The following COL18A1 variants were observed in gnomAD, a reference collection of about 807,000 sequenced individuals.
COL18A1 encodes collagen alpha-1(XVIII) chain.
In COL18A1, 133 loss-of-function variants were observed where a neutral mutation model predicts 168.0. That is an observed-to-expected ratio of 0.79 (90% CI 0.69 to 0.91). COL18A1 has a LOEUF of 0.91. Among genes scored for constraint, COL18A1 ranks in the 40% least tolerant of loss-of-function variants. The pLI is 0.00. For synonymous variants in COL18A1, 949 were observed against 809.0 expected (o/e 1.17, Z -2.94); for missense variants, 2,126 against 1,925.4 (o/e 1.10, Z -1.95).
At chr21:45,448,770 C>T (rs532860848) in intron 2 of COL18A1, among the ~76,000 whole-genome samples, 10 of 152,378 alleles carry the variant, frequency 6.6e-5, no homozygotes, top group South Asian at 2.1e-4. Flanking sequence ...CACTGGCCTG[C>T]GTATCTTTTG....
At chr21:45,495,665 CATAT>C in intron 29 of COL18A1, 1 of 538,628 alleles carries the variant, frequency 1.9e-6, no homozygotes, top group Non-Finnish European at 3.4e-6. Flanking sequence ...CATGTGTGCA[CATAT>C]ACACATGCAT....
chr21:45,495,640 A>C, intron 29 of COL18A1: 2 of 576,348 alleles, frequency 3.5e-6, no homozygotes, highest in Non-Finnish European at 6.4e-6. Context: ...ATGCACATAT[A>C]TGGCCGTACT....
rs2035835521 is a variant in COL18A1, at chr21:45,479,960, A to T, written c.1307A>T (p.Asp436Val). The change falls in exon 10 of 42, where the codon GAC becomes GTC. Residue 436 changes from aspartate (D) to valine (V), a missense_variant. Transcript: ENST00000651438. Reference protein sequence around the residue: ...GTPGDVGPKGDKGDPGVGERG... With the variant: ...GTPGDVGPKGVKGDPGVGERG... ...CCAGGGGACGTAGGTCCCAAGGGCGACAAGGTGAGTCTCCGTGGCTGGGTG... is the reference window on the plus strand; with the variant it reads ...CCAGGGGACGTAGGTCCCAAGGGCGTCAAGGTGAGTCTCCGTGGCTGGGTG... 6.2e-7 allele frequency: 1 copy of T among 1,613,580 alleles called. No individual in the cohort carries two copies. Among genetic ancestry groups the T allele is most frequent in the Admixed American group, 1.7e-5 (1 of 59,988 alleles).
intron 2 of COL18A1, among the ~76,000 whole-genome samples, chr21:45,433,458 G>T (rs1387249678): frequency 6.6e-6 from 1 of 152,158 alleles, no homozygotes; most frequent in Non-Finnish European, 1.5e-5. Flanking sequence ...GGTGAGCAGG[G>T]CCACAGAGCA....
intron 27 of COL18A1, 51 bp downstream of exon 27, chr21:45,494,622 C>A (rs777751545): frequency 6.2e-7 from 1 of 1,611,554 alleles, no homozygotes; most frequent in Non-Finnish European, 8.5e-7. Flanking sequence ...TGACGGCCCC[C>A]AAGGACACGG....
chr21:45,426,063 C>T (rs2838921), intron 2 of COL18A1, among the ~76,000 whole-genome samples: 4,416 of 152,144 alleles, frequency 0.029, 189 homozygotes, highest in African/African-American at 0.093. Context: ...CTGGCTGGGG[C>T]GTAAGTGAAT....
intron 2 of COL18A1, chr21:45,422,597 C>T (rs1243316777): frequency 1.1e-5 from 5 of 436,718 alleles, no homozygotes; most frequent in African/African-American, 6.1e-5. Context: ...GGTCTCAGGG[C>T]ACAGTGGGTG....
chr21:45,409,850 C>T (rs1424283056), intron 2 of COL18A1: 1 of 152,256 alleles, frequency 6.6e-6, no homozygotes, highest in Admixed American at 6.5e-5. Context: ...TGCCAGATCC[C>T]GTGTCACGTG....
chr21:45,427,041 C>T (rs1172883023), intron 2 of COL18A1, among the ~76,000 whole-genome samples: 1 of 152,224 alleles, frequency 6.6e-6, no homozygotes, highest in African/African-American at 2.4e-5. Context: ...CCCAGCTTCA[C>T]GCTCACACTT....
rs750070668 is a variant in COL18A1, at chr21:45,468,788, T to C, written c.651+2T>C. On this transcript the variant is annotated splice_donor_variant, in intron 3 of 41. Coordinates refer to ENST00000651438, the MANE Select transcript of COL18A1 (RefSeq NM_001379500.1). LOFTEE classifies it high-confidence loss of function. ...GGAGCGGACCCTGACAAGTTCCAGG[T>C]AACCCCCACTGTGCCGTCGCTGGGG... 6.7e-7 allele frequency: 1 copy of C among 1,495,336 alleles called. No individual in the cohort carries two copies. Among genetic ancestry groups the C allele is most frequent in the Non-Finnish European group, 8.9e-7 (1 of 1,117,320 alleles). 92.6% of individuals were successfully genotyped at this position (1,495,336 alleles called of 1,614,324 possible). A position where few individuals can be genotyped will look rare whatever the true frequency, so the allele number is the denominator to read the frequency against.
rs545474592 is a variant in COL18A1, at chr21:45,502,924, G to A, written c.2684-1087G>A. 6.6e-5 allele frequency: 10 copies of A among 152,192 alleles called. No individual in the cohort carries two copies. The South Asian group carries it at 8.3e-4, about 13-fold the overall frequency. The allele number at this position is 152,192 out of a possible 1,614,324, so 9.4% of individuals were successfully genotyped here. On this transcript the variant is annotated intron_variant, in intron 32 of 41. Coordinates refer to ENST00000651438, the MANE Select transcript of COL18A1 (RefSeq NM_001379500.1). ...CTCAGGATGAGTAAGTCAATGTACCGAAGTCACCAGATGGAAGGGCAGTCT... is the reference window on the plus strand; with the variant it reads ...CTCAGGATGAGTAAGTCAATGTACCAAAGTCACCAGATGGAAGGGCAGTCT...
chr21:45,411,759 C>CGGGGGGGGGGGGGGG (rs1437966551), intron 2 of COL18A1, among the ~76,000 whole-genome samples: 12 of 7,568 alleles, frequency 1.6e-3, no homozygotes, highest in African/African-American at 4.5e-3. Flanking sequence ...GGGCTGATGG[C>CGGGGGGGGGGGGGGG]GGGGGGTGGG....
chr21:45,512,326 G>C lies in COL18A1; in HGVS notation c.3948G>C (p.Gln1316His). The C allele has an allele frequency of 6.2e-7, 1 of 1,612,604 alleles. No homozygotes were observed. Among genetic ancestry groups the C allele is most frequent in the Non-Finnish European group, 8.5e-7 (1 of 1,179,822 alleles). ...SSLLGGRLLGQSAASCHHAYI... is the reference protein window; with the variant it reads ...SSLLGGRLLGHSAASCHHAYI... ...TGCTGGGGGGCAGGCTCCTGGGGCA[G>C]AGTGCCGCGAGCTGCCATCACGCCT... The change falls in exon 42 of 42, where the codon CAG (glutamine) becomes CAC (histidine). Residue 1316 changes from glutamine to histidine, a missense_variant. Gln to His is a conservative substitution (Grantham distance 24, BLOSUM62 0). Transcript: ENST00000651438.
At chr21:45,475,355 G>C in intron 4 of COL18A1, 121 bp from the exon 5 acceptor site, 1 of 901,316 alleles carries the variant, frequency 1.1e-6, no homozygotes, top group Non-Finnish European at 1.8e-6. Context: ...AGAGAGGGCT[G>C]GACGAGGCGA....
At chr21:45,470,513 A>C (rs1256709216) in intron 3 of COL18A1, among the ~76,000 whole-genome samples, 3 of 125,242 alleles carry the variant, frequency 2.4e-5, no homozygotes, top group Non-Finnish European at 4.8e-5. Flanking sequence ...TTTAGATGGA[A>C]TCTCGCTCTG....
intron 2 of COL18A1, among the ~76,000 whole-genome samples, chr21:45,436,960 C>G (rs2034120220): frequency 6.6e-6 from 1 of 151,732 alleles, no homozygotes; most frequent in Non-Finnish European, 1.5e-5. Flanking sequence ...GGCTGGGGAG[C>G]AGCTGGCTGT....
At chr21:45,479,225 A>G (rs1489647912) in intron 9 of COL18A1, among the ~76,000 whole-genome samples, 1 of 152,132 alleles carries the variant, frequency 6.6e-6, no homozygotes, top group Non-Finnish European at 1.5e-5. Flanking sequence ...CCACACATGC[A>G]CACACAGCAC....
intron 32 of COL18A1, among the ~76,000 whole-genome samples, chr21:45,503,776 T>G (rs1164822721): frequency 2.0e-5 from 3 of 151,758 alleles, no homozygotes; most frequent in Admixed American, 2.0e-4. Flanking sequence ...CCCTAAAACT[T>G]AAAGTATAAT....
chr21:45,414,448 A>T (rs2033385177), intron 2 of COL18A1, among the ~76,000 whole-genome samples: 1 of 152,220 alleles, frequency 6.6e-6, no homozygotes, highest in Non-Finnish European at 1.5e-5. Context: ...ATGACTGAGA[A>T]TGTTGTGGGA....
Sources: gnomAD v4.1 joint callset for allele counts (sites outside exome capture counted in the v4.1 genomes callset) on GRCh38, gnomAD v4.1.1 for gene constraint, MANE v1.5 for transcripts, NCBI Gene and HGNC (gene_info 2026-07-23, HGNC 2026-07-21) for gene names.